The following SMPD4 variants were observed in gnomAD, a reference collection of about 807,000 sequenced individuals.
SMPD4 encodes sphingomyelin phosphodiesterase 4.
In SMPD4, 58 loss-of-function variants were observed where a neutral mutation model predicts 97.8. That is an observed-to-expected ratio of 0.59 (90% CI 0.48 to 0.74). The LOEUF is 0.74. Among genes scored for constraint, SMPD4 ranks in the 30% least tolerant of loss-of-function variants. The probability of loss-of-function intolerance (pLI) is 0.00; values close to 1 mark genes in which losing one functional copy is unlikely to be tolerated. For synonymous variants in SMPD4, 388 were observed against 450.0 expected (o/e 0.86, Z 1.74); for missense variants, 853 against 1,080.5 (o/e 0.79, Z 2.95).
intron 8 of SMPD4, 28 bp downstream of exon 8, chr2:130,172,321 G>A: frequency 1.9e-6 from 3 of 1,542,306 alleles, no homozygotes; most frequent in Non-Finnish European, 2.6e-6. Flanking sequence ...TTATGGAAGG[G>A]CCAGGTCTTA....
chr2:130,177,820 C>T (rs1265035822), intron 1 of SMPD4, among the ~76,000 whole-genome samples: 5 of 152,172 alleles, frequency 3.3e-5, no homozygotes, highest in East Asian at 1.9e-4. Context: ...TACCAGGACT[C>T]GCTCTAAATG....
intron 12 of SMPD4, chr2:130,156,948 C>T (rs1686865235): frequency 2.2e-6 from 2 of 928,166 alleles, no homozygotes; most frequent in East Asian, 5.4e-5. Context: ...CTCTGCTGGC[C>T]CTGGTGGGCC....
rs1686826081 is a variant in SMPD4 at position 130,156,624 on chromosome 2, A to G, written c.1149T>C (p.His383=). 2 of 1,613,848 alleles carry G rather than the reference A, an allele frequency of 1.2e-6. No homozygotes were observed. Among genetic ancestry groups the G allele is most frequent in the East Asian group, 2.2e-5 (1 of 44,890 alleles). The change falls in exon 13 of 20, where the codon CAT becomes CAC. Residue 383 remains histidine, a synonymous_variant. Transcript: ENST00000680298. The stretch of plus-strand genomic sequence containing the variant: ...CGTCCAGGGGCCAGTGGCCAAAGCA[A>G]TGCTGCAAGAAGAGGTAGAGTTTCT... ...VQQKLYLFLQ[H]CFGHWPLDAS...
At chr2:130,165,876 C>A (rs1171486480) in intron 9 of SMPD4, among the ~76,000 whole-genome samples, 2 of 152,138 alleles carry the variant, frequency 1.3e-5, no homozygotes. Flanking sequence ...CGGGCTGGTT[C>A]AGTTTCAGTT....
chr2:130,169,985 CAGG>C (rs1435822573), intron 8 of SMPD4, among the ~76,000 whole-genome samples: 1 of 149,122 alleles, frequency 6.7e-6, no homozygotes, highest in Non-Finnish European at 1.5e-5. Context: ...TTGCTGAGGC[CAGG>C]AGTTCAAGAC....
At chr2:130,165,387 C>CAG (rs1687834046) in intron 9 of SMPD4, among the ~76,000 whole-genome samples, 2 of 151,142 alleles carry the variant, frequency 1.3e-5, no homozygotes, top group South Asian at 4.2e-4. Context: ...AATCGTGCCA[C>CAG]TCCACTCCAA....
At chr2:130,167,119 C>G (rs562028716) in intron 9 of SMPD4, among the ~76,000 whole-genome samples, 1 of 150,322 alleles carries the variant, frequency 6.7e-6, no homozygotes, top group Non-Finnish European at 1.5e-5. Context: ...AGTTTCTTTT[C>G]TTTTTCTTTT....
chr2:130,173,718 TC>T, intron 3 of SMPD4, 62 bp from the exon 4 acceptor site: 1 of 1,604,712 alleles, frequency 6.2e-7, no homozygotes, highest in Admixed American at 1.7e-5. Flanking sequence ...CCGGCTCTAG[TC>T]CTGCACCACC....
intron 7 of SMPD4, 30 bp from the exon 8 acceptor site, chr2:130,172,530 G>A: frequency 6.2e-7 from 1 of 1,612,930 alleles, no homozygotes; most frequent in Non-Finnish European, 8.5e-7. Context: ...GTTAGCATGG[G>A]CTCTGGACAC....
At chr2:130,171,126 ATTTCT>A (rs1478177349) in intron 8 of SMPD4, among the ~76,000 whole-genome samples, 3 of 122,884 alleles carry the variant, frequency 2.4e-5, no homozygotes, top group Non-Finnish European at 4.7e-5. Flanking sequence ...TATATATATA[ATTTCT>A]TTTCTTTTTT....
intron 9 of SMPD4, 84 bp downstream of exon 9, chr2:130,167,374 G>C (rs1179423340): frequency 1.3e-6 from 2 of 1,587,678 alleles, no homozygotes; most frequent in Non-Finnish European, 8.6e-7. Context: ...GCCCACCTAG[G>C]CCTCGCAAAG....
chr2:130,178,797 T>TG (rs1689209997), intron 1 of SMPD4, among the ~76,000 whole-genome samples: 1 of 111,936 alleles, frequency 8.9e-6, no homozygotes, highest in Non-Finnish European at 1.9e-5. Flanking sequence ...TCTCAAAAAA[T>TG]GGAAAAAAAA....
Position 130,167,508 on chromosome 2 carries a change from TCA to T in SMPD4, c.740_741del (p.Val247GlufsTer21). 1 of 1,613,844 alleles carries T rather than the reference TCA, an allele frequency of 6.2e-7. No homozygotes were observed. The highest frequency in any genetic ancestry group is 2.2e-5 in the East Asian group (1 of 44,852). On this transcript the variant is annotated frameshift_variant, in exon 9 of 20. Transcript: ENST00000680298. LOFTEE classifies it high-confidence loss of function. Reference protein sequence around the residue: ...LKRHISHQTSVNADPASHEIW... With the variant: ...LKRHISHQTSXNADPASHEIW... ...ATCTCGTGGGAGGCGGGGTCTGCAT[TCA>T]CAGACGTCTGATGAGAGATGTGTCG... is the stretch of plus-strand genomic sequence containing the variant.
At chr2:130,170,968 G>A (rs1254491808) in intron 8 of SMPD4, among the ~76,000 whole-genome samples, 1 of 151,764 alleles carries the variant, frequency 6.6e-6, no homozygotes. Context: ...GGCTGAGGTG[G>A]GAGAATCACT....
chr2:130,157,058 A>G (rs1456566826), intron 12 of SMPD4, among the ~76,000 whole-genome samples, 193 bp downstream of exon 12: 1 of 152,006 alleles, frequency 6.6e-6, no homozygotes, highest in Non-Finnish European at 1.5e-5. Context: ...CTGGAGAGAG[A>G]GGCTCTGGGA....
intron 12 of SMPD4, 49 bp downstream of exon 12, chr2:130,157,202 G>A (rs762116344): frequency 1.3e-6 from 2 of 1,550,742 alleles, no homozygotes; most frequent in South Asian, 2.4e-5. Context: ...ACCTTAGGAG[G>A]GGAAAGTGGG....
intron 8 of SMPD4, among the ~76,000 whole-genome samples, chr2:130,171,144 T>TG (rs1688424113): frequency 6.6e-6 from 1 of 151,310 alleles, no homozygotes; most frequent in African/African-American, 2.4e-5. Flanking sequence ...TCTTTTTTTT[T>TG]TTTGTGTGTG....
Position 130,154,487 on chromosome 2 carries a change from A to G in SMPD4, c.1454-5T>C. On this transcript the variant is annotated splice_polypyrimidine_tract_variant and splice_region_variant and intron_variant, in intron 15 of 19. Transcript: ENST00000680298. ...GCTCCAGGAATAGCTGCTCACCTAG[A>G]AGGCAGGAGACGAACCTGGCACCCA... is the stretch of plus-strand genomic sequence containing the variant. The G allele has an allele frequency of 1.3e-6, 2 of 1,552,246 alleles. No homozygotes were observed. Among genetic ancestry groups the G allele is most frequent in the South Asian group, 2.4e-5 (2 of 84,242 alleles).
At chr2:130,167,800 CAG>C (rs1688075845) in intron 8 of SMPD4, among the ~76,000 whole-genome samples, 1 of 152,168 alleles carries the variant, frequency 6.6e-6, no homozygotes, top group East Asian at 1.9e-4. Flanking sequence ...TTCCTTACCA[CAG>C]AGTGACCATT....
Sources: allele counts gnomAD v4.1 joint callset (sites outside exome capture counted in the v4.1 genomes callset), GRCh38; gene constraint gnomAD v4.1.1; transcripts MANE v1.5; gene names NCBI Gene and HGNC (gene_info 2026-07-23, HGNC 2026-07-21).